AGAP1: variants seen among roughly 807,000 people sequenced by gnomAD.
The protein encoded by AGAP1 is ArfGAP with GTPase domain, ankyrin repeat and PH domain 1.
In AGAP1, 29 loss-of-function variants were observed where a neutral mutation model predicts 105.3. The observed-to-expected ratio is 0.28, with a 90% CI of 0.21 to 0.38. AGAP1 has a LOEUF of 0.38. AGAP1 is among the 10% of genes least tolerant of loss of function. The pLI, the probability that AGAP1 is intolerant of heterozygous loss-of-function variation, is 1.00. For missense variants in AGAP1, 998 were observed against 1,165.1 expected (o/e 0.86, Z 2.09); for synonymous variants, 509 against 485.9 (o/e 1.05, Z -0.63).
chr2:235,517,403 G>T lies in AGAP1; in HGVS notation c.163+22554G>T, dbSNP rs1033558193. ...TTTGTCACTGATGTAGTAGCATCAC[G>T]AGTGTTTCGTCACTTAACCCAGAGC... On this transcript the variant is annotated intron_variant, in intron 1 of 17. Transcript: ENST00000304032. The surrounding 1 kb of genome is among the most constrained non-coding windows in gnomAD (Gnocchi z 4.1). 3.3e-5 allele frequency among the ~76,000 whole-genome samples: 5 copies of T among 152,152 alleles called. No homozygotes were observed. Among genetic ancestry groups the T allele is most frequent in the Admixed American group, 1.3e-4 (2 of 15,272 alleles).
At chr2:235,768,625 G>C (rs1486136512) in intron 6 of AGAP1, among the ~76,000 whole-genome samples, 1 of 152,216 alleles carries the variant, frequency 6.6e-6, no homozygotes, top group East Asian at 1.9e-4. Context: ...GGTAGAGCTG[G>C]GGCCCAAGGT....
chr2:235,932,231 G>C (rs2052759355), intron 12 of AGAP1, among the ~76,000 whole-genome samples: 1 of 152,290 alleles, frequency 6.6e-6, no homozygotes, highest in Admixed American at 6.5e-5. Flanking sequence ...TGCCAGCCAG[G>C]CAGCCTAGGA....
intron 8 of AGAP1, among the ~76,000 whole-genome samples, chr2:235,805,619 C>T (rs1049767900): frequency 1.3e-5 from 2 of 152,002 alleles, no homozygotes; most frequent in Non-Finnish European, 2.9e-5. Context: ...CCTCAGGAGC[C>T]AGCTTTTCTC....
chr2:235,540,975 C>T (rs6737539), intron 1 of AGAP1, among the ~76,000 whole-genome samples: 1 of 151,976 alleles, frequency 6.6e-6, no homozygotes, highest in East Asian at 1.9e-4. Context: ...TCTGGGTAGA[C>T]TTACAATTTT....
rs980870047 is a variant in AGAP1 at position 236,003,799 on chromosome 2, C to G, written c.1646-32762C>G. On this transcript the variant is annotated intron_variant, in intron 13 of 17. Coordinates refer to ENST00000304032, the MANE Select transcript of AGAP1 (RefSeq NM_001037131.3). This position sits in a 1 kb window ranked among gnomAD's most constrained non-coding sequence, Gnocchi z 4.2. ...GCTGTCCTACCACTTTTTTTTTTTT[C>G]TGGAAGTTTGCATGTCCTACACTAT... Among the ~76,000 whole-genome samples, 1 of 149,264 alleles carries G rather than the reference C, an allele frequency of 6.7e-6. No homozygotes were observed. Among genetic ancestry groups the G allele is most frequent in the Non-Finnish European group, 1.5e-5 (1 of 67,326 alleles).
At chr2:236,004,740 C>A (rs530044493) in intron 13 of AGAP1, among the ~76,000 whole-genome samples, 1 of 152,264 alleles carries the variant, frequency 6.6e-6, no homozygotes, top group South Asian at 2.1e-4. Context: ...GTTGGGGCAG[C>A]CTTTCGAGTT....
At chr2:235,803,817 T>C (rs1005885058) in intron 8 of AGAP1, among the ~76,000 whole-genome samples, 4 of 152,222 alleles carry the variant, frequency 2.6e-5, no homozygotes, top group African/African-American at 9.6e-5. Context: ...CAGTAGGAAT[T>C]CTACTTTACT....
chr2:235,574,290 C>A lies in AGAP1; in HGVS notation c.163+79441C>A, dbSNP rs1399481290. On this transcript the variant is annotated intron_variant, in intron 1 of 17. Transcript: ENST00000304032. This position sits in a 1 kb window ranked among gnomAD's most constrained non-coding sequence, Gnocchi z 5.0. ...CACTCCTGCCATCAGGCATTAAAAT[C>A]TTCCGAACAGAAAAGCTGAAAATGT... Among the ~76,000 whole-genome samples the A allele has an allele frequency of 6.6e-6, 1 of 152,244 alleles. No individual in the cohort carries two copies. Among genetic ancestry groups the A allele is most frequent in the Non-Finnish European group, 1.5e-5 (1 of 68,038 alleles).
chr2:235,695,932 A>T (rs1949976662), intron 1 of AGAP1, among the ~76,000 whole-genome samples: 1 of 152,118 alleles, frequency 6.6e-6, no homozygotes, highest in African/African-American at 2.4e-5. Context: ...CCTTGGGTGC[A>T]CCAGCGGAAG....
chr2:235,693,025 G>A (rs1949812641), intron 1 of AGAP1, among the ~76,000 whole-genome samples: 2 of 152,162 alleles, frequency 1.3e-5, no homozygotes, highest in Non-Finnish European at 2.9e-5. Flanking sequence ...TAGAGTGTCA[G>A]ATTCCACTTG....
In AGAP1 at chr2:235,728,776, T is replaced by C. The variant is rs750655062; in HGVS notation, c.310+11132T>C. Among the ~76,000 whole-genome samples the C allele has an allele frequency of 9.9e-5, 15 of 152,262 alleles. No homozygotes were observed. The highest frequency in any genetic ancestry group is 1.3e-4 in the Non-Finnish European group (9 of 68,020). On this transcript the variant is annotated intron_variant, in intron 3 of 17. Coordinates refer to ENST00000304032, the MANE Select transcript of AGAP1 (RefSeq NM_001037131.3). The surrounding 1 kb of genome is among the most constrained non-coding windows in gnomAD (Gnocchi z 4.3). Reference sequence around the variant, plus strand: ...AAATACATTGAAATGAAAGCGTGCCTAGTGGAGCAAGAGCGGGGCGGGGAG... The same window carrying C: ...AAATACATTGAAATGAAAGCGTGCCCAGTGGAGCAAGAGCGGGGCGGGGAG...
intron 9 of AGAP1, chr2:235,853,111 C>T: frequency 1.6e-6 from 2 of 1,217,658 alleles, no homozygotes; most frequent in African/African-American, 1.6e-5. Flanking sequence ...CTTTGAGGAA[C>T]CTTTTTTTAA....
At chr2:236,075,818 C>A (rs2058622506) in intron 16 of AGAP1, among the ~76,000 whole-genome samples, 1 of 152,240 alleles carries the variant, frequency 6.6e-6, no homozygotes, top group African/African-American at 2.4e-5. Flanking sequence ...GCCATTGATT[C>A]TAGCTTTGGA....
In AGAP1 at chr2:235,623,935, C is replaced by T. The variant is rs1244050002; in HGVS notation, c.164-85244C>T. ...AGCTGTCTCCTGGAGAAGTTGGATC[C>T]ATTTGTGTTTCTGAGTGTGCTTGTA... On this transcript the variant is annotated intron_variant, in intron 1 of 17. Transcript: ENST00000304032. The surrounding 1 kb of genome is among the most constrained non-coding windows in gnomAD (Gnocchi z 4.5). Among the ~76,000 whole-genome samples, 1 of 152,122 alleles carries T rather than the reference C, an allele frequency of 6.6e-6. No individual in the cohort carries two copies. Among genetic ancestry groups the T allele is most frequent in the Non-Finnish European group, 1.5e-5 (1 of 68,030 alleles).
At chr2:235,937,842 C>G (rs1339109857) in intron 12 of AGAP1, among the ~76,000 whole-genome samples, 2 of 152,214 alleles carry the variant, frequency 1.3e-5, no homozygotes, top group African/African-American at 4.8e-5. Context: ...ACCAGCCCCC[C>G]ACAGCCAAGA....
Position 236,105,998 on chromosome 2 carries a change from CAG to C in AGAP1, c.2115-14193_2115-14192del, listed in dbSNP as rs1221815164. On this transcript the variant is annotated intron_variant, in intron 16 of 17. Transcript: ENST00000304032. This position sits in a 1 kb window ranked among gnomAD's most constrained non-coding sequence, Gnocchi z 4.2. ...GGTCCTGTCACCAAACACCATCACA[CAG>C]GGGGTTAGGGCTTCAGCGACTGACT... Among the ~76,000 whole-genome samples the C allele has an allele frequency of 1.3e-5, 2 of 152,300 alleles. No homozygotes were observed. Among genetic ancestry groups the C allele is most frequent in the East Asian group, 1.9e-4 (1 of 5,162 alleles).
intron 9 of AGAP1, among the ~76,000 whole-genome samples, chr2:235,854,593 G>A (rs1332775263): frequency 6.6e-6 from 1 of 152,212 alleles, no homozygotes; most frequent in East Asian, 1.9e-4. Context: ...GAAACCAGAG[G>A]CTTTAAACCC....
At position 235,971,050 on chromosome 2, in the gene AGAP1, C is replaced by T. The variant is rs936966888; in HGVS notation, c.1645+2427C>T. 1.8e-4 allele frequency among the ~76,000 whole-genome samples: 27 copies of T among 152,270 alleles called. No individual in the cohort carries two copies. The highest frequency in any genetic ancestry group is 1.4e-3 in the Admixed American group (21 of 15,302). On this transcript the variant is annotated intron_variant, in intron 13 of 17. Coordinates refer to ENST00000304032, the MANE Select transcript of AGAP1 (RefSeq NM_001037131.3). The surrounding 1 kb of genome is among the most constrained non-coding windows in gnomAD (Gnocchi z 4.8). ...CAAACATGGATGTGTAAGCGGGTGACGTGTGTTTGGAAGTCCAAGGCAGAG... is the reference window on the plus strand; with the variant it reads ...CAAACATGGATGTGTAAGCGGGTGATGTGTGTTTGGAAGTCCAAGGCAGAG...
chr2:235,778,081 A>G (rs919248995), intron 6 of AGAP1, among the ~76,000 whole-genome samples: 4 of 151,912 alleles, frequency 2.6e-5, no homozygotes, highest in African/African-American at 9.7e-5. Flanking sequence ...AGACTTAAAT[A>G]TCAGCTGTGT....
Sources: gnomAD v4.1 joint callset for allele counts (sites outside exome capture counted in the v4.1 genomes callset) on GRCh38, gnomAD v4.1.1 for gene constraint, Gnocchi (gnomAD v3.1) non-coding constraint, MANE v1.5 for transcripts, NCBI Gene and HGNC (gene_info 2026-07-23, HGNC 2026-07-21) for gene names.